NALF1: variants seen among roughly 807,000 people sequenced by gnomAD.
NALF1 encodes the protein family with sequence similarity 155 member A.
Under a neutral mutation model 48.4 loss-of-function variants are expected in NALF1, and 3 were observed. That is an observed-to-expected ratio of 0.06 (90% CI 0.03 to 0.16). The LOEUF (loss-of-function observed/expected upper bound fraction) is 0.16, where lower values mean the gene tolerates loss of function less well. Among genes scored for constraint, NALF1 ranks in the 10% least tolerant of loss-of-function variants. The pLI, the probability that NALF1 is intolerant of heterozygous loss-of-function variation, is 1.00. For missense variants in NALF1, 526 were observed against 571.5 expected, an observed-to-expected ratio of 0.92 and a Z score of 0.81; for synonymous variants, 262 against 245.7, an observed-to-expected ratio of 1.07 and a Z score of -0.62.
At chr13:107,577,995 T>C (rs1390451079) in intron 1 of NALF1, among the ~76,000 whole-genome samples, 1 of 152,158 alleles carries the variant, frequency 6.6e-6, no homozygotes, top group Non-Finnish European at 1.5e-5. Context: ...TGAGATTCCA[T>C]TCATCTAAAA....
intron 1 of NALF1, among the ~76,000 whole-genome samples, chr13:107,226,804 G>T (rs1880115949): frequency 6.6e-6 from 1 of 152,082 alleles, no homozygotes; most frequent in Admixed American, 6.6e-5. Flanking sequence ...AAACCTCTGA[G>T]GTAGACAGTA....
intron 1 of NALF1, among the ~76,000 whole-genome samples, chr13:107,693,169 T>A (rs1881605898): frequency 6.6e-6 from 1 of 152,158 alleles, no homozygotes; most frequent in South Asian, 2.1e-4. Flanking sequence ...TGTTGTTTCC[T>A]GCAGGGACAT....
intron 1 of NALF1, among the ~76,000 whole-genome samples, chr13:107,305,436 T>A (rs1009479625): frequency 7.9e-5 from 12 of 152,250 alleles, no homozygotes; most frequent in African/African-American, 1.9e-4. Context: ...AACTTTTTTT[T>A]AAATTTATCA....
intron 1 of NALF1, among the ~76,000 whole-genome samples, chr13:107,491,530 T>C (rs373128297): frequency 3.9e-5 from 6 of 152,278 alleles, no homozygotes; most frequent in African/African-American, 1.4e-4. Context: ...AGAGGTACCC[T>C]GTGAGTGAGG....
At chr13:107,496,781 T>C (rs1212900480) in intron 1 of NALF1, among the ~76,000 whole-genome samples, 1 of 152,112 alleles carries the variant, frequency 6.6e-6, no homozygotes, top group African/African-American at 2.4e-5. Flanking sequence ...ACATCTTAGA[T>C]GGATGGGAGC....
At chr13:107,337,144 T>C (rs1412693976) in intron 1 of NALF1, among the ~76,000 whole-genome samples, 4 of 151,200 alleles carry the variant, frequency 2.6e-5, no homozygotes, top group Non-Finnish European at 5.9e-5. Context: ...AATGTAAGTA[T>C]CTGGGTGGTC....
At chr13:107,643,665 T>C (rs936970141) in intron 1 of NALF1, among the ~76,000 whole-genome samples, 17 of 152,180 alleles carry the variant, frequency 1.1e-4, no homozygotes, top group African/African-American at 3.9e-4. Flanking sequence ...AATGGTTTTT[T>C]AGTTTTCGAG....
intron 1 of NALF1, among the ~76,000 whole-genome samples, chr13:107,416,328 T>G (rs542647949): frequency 4.9e-4 from 74 of 152,104 alleles, no homozygotes; most frequent in African/African-American, 1.7e-3. Flanking sequence ...ATGCAGATTT[T>G]TTTCAGTGAA....
At chr13:107,196,110 T>C (rs567223177) in intron 2 of NALF1, among the ~76,000 whole-genome samples, 3 of 152,192 alleles carry the variant, frequency 2.0e-5, no homozygotes, top group East Asian at 1.9e-4. Context: ...TGAGAACACA[T>C]GGACACAGAG....
chr13:107,756,958 CAT>C (rs1364870403), intron 1 of NALF1, among the ~76,000 whole-genome samples: 20 of 152,120 alleles, frequency 1.3e-4, no homozygotes, highest in Admixed American at 1.1e-3. Context: ...TACAAATTAA[CAT>C]GTGTACTGAC....
chr13:107,273,638 CA>C (rs1342152098), intron 1 of NALF1, among the ~76,000 whole-genome samples: 3 of 152,260 alleles, frequency 2.0e-5, no homozygotes, highest in Non-Finnish European at 4.4e-5. Context: ...ACTGAATAAT[CA>C]TTTTTAAGAG....
At chr13:107,692,566 G>A (rs1381031750) in intron 1 of NALF1, among the ~76,000 whole-genome samples, 1 of 152,106 alleles carries the variant, frequency 6.6e-6, no homozygotes, top group Non-Finnish European at 1.5e-5. Flanking sequence ...GGATTAACGT[G>A]TTATACTTGC....
At chr13:107,180,330 C>T (rs1879035396) in intron 2 of NALF1, among the ~76,000 whole-genome samples, 1 of 151,824 alleles carries the variant, frequency 6.6e-6, no homozygotes, top group Non-Finnish European at 1.5e-5. Flanking sequence ...CTTAAGGAAT[C>T]TGAGGGATAA....
chr13:107,411,301 G>GT (rs5806654), intron 1 of NALF1, among the ~76,000 whole-genome samples: 29,619 of 136,086 alleles, frequency 0.22, 3,393 homozygotes, highest in African/African-American at 0.31. Flanking sequence ...GTAGAATCTT[G>GT]TTTTTTTTTT....
intron 1 of NALF1, among the ~76,000 whole-genome samples, chr13:107,445,978 C>T (rs142748109): frequency 1.6e-4 from 24 of 151,892 alleles, no homozygotes; most frequent in Admixed American, 1.1e-3. Context: ...CTCGCTTTGT[C>T]GTCAGGCTGG....
At chr13:107,745,174 A>G (rs1876750940) in intron 1 of NALF1, among the ~76,000 whole-genome samples, 1 of 152,224 alleles carries the variant, frequency 6.6e-6, no homozygotes, top group Admixed American at 6.5e-5. Context: ...ACAAAATAGA[A>G]ACAAAATAAC....
At chr13:107,777,358 T>C (rs78443731) in intron 1 of NALF1, among the ~76,000 whole-genome samples, 1,585 of 152,270 alleles carry the variant, frequency 0.01, 30 homozygotes, top group African/African-American at 0.033. Context: ...GAAAGGCAGA[T>C]ACACCCATTG....
intron 1 of NALF1, among the ~76,000 whole-genome samples, chr13:107,263,049 G>A (rs1449457700): frequency 3.3e-5 from 5 of 152,056 alleles, no homozygotes; most frequent in African/African-American, 4.8e-5. Flanking sequence ...AAGAGTTGAG[G>A]GGTTTTGGTG....
intron 1 of NALF1, among the ~76,000 whole-genome samples, chr13:107,691,187 G>C (rs1162632552): frequency 2.0e-5 from 3 of 152,186 alleles, no homozygotes; most frequent in Non-Finnish European, 4.4e-5. Flanking sequence ...GCTTCTGCAA[G>C]CCAAGGAATA....
Sources: allele counts gnomAD v4.1 joint callset (sites outside exome capture counted in the v4.1 genomes callset), GRCh38; gene constraint gnomAD v4.1.1; transcripts MANE v1.5; gene names NCBI Gene and HGNC (gene_info 2026-07-23, HGNC 2026-07-21).